Variants in XKR6 observed in about 807,000 individuals in gnomAD.
The protein encoded by XKR6 is XK-related protein 6.
A neutral mutation model predicts 56.7 loss-of-function variants in XKR6; 22 were observed. The observed-to-expected ratio is 0.39, with a 90% confidence interval of 0.28 to 0.55. XKR6 has a LOEUF of 0.55. Ranked by LOEUF, XKR6 falls within the 20% of genes least tolerant of loss-of-function variation. The pLI, the probability that XKR6 is intolerant of heterozygous loss-of-function variation, is 0.66. For synonymous variants in XKR6, 524 were observed against 387.8 expected, an observed-to-expected ratio of 1.35 and a Z score of -4.13; for missense variants, 852 against 889.0, an observed-to-expected ratio of 0.96 and a Z score of 0.53.
At chr8:11,119,517 G>T (rs1307795970) in intron 1 of XKR6, among the ~76,000 whole-genome samples, 3 of 152,116 alleles carry the variant, frequency 2.0e-5, no homozygotes, top group African/African-American at 7.2e-5. Flanking sequence ...CATATATTTA[G>T]GACAGTTAGC....
At chr8:11,137,323 A>G in intron 1 of XKR6, 2 of 320,770 alleles carry the variant, frequency 6.2e-6, no homozygotes, top group South Asian at 5.2e-5. Context: ...ATATCAGAGC[A>G]TAAGTGAGAA....
At chr8:10,993,387 G>A (rs538276667) in intron 1 of XKR6, among the ~76,000 whole-genome samples, 18 of 152,372 alleles carry the variant, frequency 1.2e-4, no homozygotes, top group South Asian at 2.1e-4. Flanking sequence ...GAAAGAAAGC[G>A]GGTGGGAAGA....
At chr8:11,153,920 G>C (rs1332517343) in intron 1 of XKR6, among the ~76,000 whole-genome samples, 1 of 152,074 alleles carries the variant, frequency 6.6e-6, no homozygotes, top group Non-Finnish European at 1.5e-5. Context: ...TATTCCCTCT[G>C]GACTACTGCA....
chr8:10,973,766 G>A (rs1049256440), intron 1 of XKR6, among the ~76,000 whole-genome samples: 1 of 151,928 alleles, frequency 6.6e-6, no homozygotes, highest in African/African-American at 2.4e-5. Flanking sequence ...GTTTTTTGTT[G>A]TAGAAACGGG....
intron 1 of XKR6, among the ~76,000 whole-genome samples, chr8:10,956,907 A>G (rs181098574): frequency 2.6e-5 from 4 of 152,234 alleles, no homozygotes; most frequent in Admixed American, 2.6e-4. Context: ...GTACCCTGGC[A>G]CCTTGCTTTT....
intron 1 of XKR6, among the ~76,000 whole-genome samples, chr8:10,960,302 G>C (rs1356236857): frequency 6.6e-6 from 1 of 152,090 alleles, no homozygotes; most frequent in African/African-American, 2.4e-5. Flanking sequence ...GAACAGCAGA[G>C]GTACAGTCTA....
chr8:11,014,135 C>T (rs1798560438), intron 1 of XKR6, among the ~76,000 whole-genome samples: 1 of 152,208 alleles, frequency 6.6e-6, no homozygotes, highest in Admixed American at 6.5e-5. Context: ...AGTAAATACT[C>T]TGGTACCGGG....
intron 1 of XKR6, chr8:11,105,377 A>C (rs145954261): frequency 2.0e-5 from 3 of 152,126 alleles, no homozygotes; most frequent in Admixed American, 1.3e-4. Flanking sequence ...TTTCTTTCCT[A>C]TTTTGCCACA....
Position 11,028,208 on chromosome 8 carries a change from A to G in XKR6, c.765-103378T>C, listed in dbSNP as rs539874182. 2.6e-5 allele frequency among the ~76,000 whole-genome samples: 4 copies of G among 152,196 alleles called. No individual in the cohort carries two copies. The East Asian group carries it at 7.7e-4, about 29-fold the overall frequency. ...TCCAGAATGTCATCTAGTTGGAATC[A>G]TACACCAAGTAGCCTTTTCAGGGTG... On this transcript the variant is annotated intron_variant, in intron 1 of 2. Coordinates refer to ENST00000416569, the MANE Select transcript of XKR6 (RefSeq NM_173683.4).
chr8:11,157,607 C>G (rs1285611462), intron 1 of XKR6, among the ~76,000 whole-genome samples: 3 of 152,114 alleles, frequency 2.0e-5, no homozygotes, highest in Non-Finnish European at 4.4e-5. Flanking sequence ...CCTCGAATTC[C>G]TGGACCCAAG....
Position 11,113,314 on chromosome 8 carries a change from C to T in XKR6, c.764+87262G>A, listed in dbSNP as rs28607910. Among the ~76,000 whole-genome samples, 1,185 of 152,252 alleles carry T rather than the reference C, an allele frequency of 7.8e-3. 19 individuals are homozygous for T. The highest frequency in any genetic ancestry group is 0.027 in the African/African-American group (1,126 of 41,522). On this transcript the variant is annotated intron_variant, in intron 1 of 2. Transcript: ENST00000416569. ...AAACATAGTAACTGCCTTATAAGCT[C>T]CACTACCTCAACATATTTAAAAGGA...
chr8:11,131,931 A>G (rs569426734), intron 1 of XKR6, among the ~76,000 whole-genome samples: 16 of 152,288 alleles, frequency 1.1e-4, no homozygotes, highest in African/African-American at 3.9e-4. Flanking sequence ...TGTTGGCACA[A>G]GACTGCCTAT....
rs117257293 is a variant in XKR6 at position 10,968,173 on chromosome 8, G to A, written c.765-43343C>T. 5.5e-4 allele frequency among the ~76,000 whole-genome samples: 84 copies of A among 152,244 alleles called. No homozygotes were observed. In the East Asian group the frequency reaches 0.013, roughly 24 times the overall value. ...CCTCTCCATTCCTGGCCTTGCATCC[G>A]GTCTGTGCTGGTGTTTGAACCGGAT... On this transcript the variant is annotated intron_variant, in intron 1 of 2. Transcript: ENST00000416569.
chr8:11,154,218 C>T lies in XKR6; in HGVS notation c.764+46358G>A, dbSNP rs139012071. 2.0e-3 allele frequency among the ~76,000 whole-genome samples: 298 copies of T among 152,278 alleles called. 5 individuals are homozygous for T. The highest frequency in any genetic ancestry group is 2.9e-4 in the African/African-American group (12 of 41,554). On this transcript the variant is annotated intron_variant, in intron 1 of 2. Coordinates refer to ENST00000416569, the MANE Select transcript of XKR6 (RefSeq NM_173683.4). ...TTTAGGGTGGGAGCTCTGGCTCACA[C>T]GATACCAGTAGACATGGTGACGGAG...
At chr8:10,989,649 G>C (rs967109789) in intron 1 of XKR6, among the ~76,000 whole-genome samples, 2 of 152,130 alleles carry the variant, frequency 1.3e-5, no homozygotes, top group African/African-American at 4.8e-5. Flanking sequence ...AATAACACTG[G>C]ACCAATATCA....
chr8:11,043,285 G>T (rs1004882265), intron 1 of XKR6, among the ~76,000 whole-genome samples: 2 of 152,172 alleles, frequency 1.3e-5, no homozygotes, highest in Admixed American at 6.5e-5. Context: ...GCGAGGTGGG[G>T]TGTTGGGAGT....
chr8:11,086,030 G>C (rs1198138565), intron 1 of XKR6, among the ~76,000 whole-genome samples: 3 of 151,750 alleles, frequency 2.0e-5, no homozygotes, highest in Non-Finnish European at 4.4e-5. Context: ...TCCTTGGCAG[G>C]GGGCCCGAGT....
chr8:10,913,595 A>G (rs1179448002), intron 2 of XKR6, among the ~76,000 whole-genome samples: 1 of 152,222 alleles, frequency 6.6e-6, no homozygotes, highest in Non-Finnish European at 1.5e-5. Context: ...CTGCGATAGA[A>G]GAGATCACCA....
intron 1 of XKR6, among the ~76,000 whole-genome samples, chr8:10,937,397 A>C (rs1801237090): frequency 6.6e-6 from 1 of 151,436 alleles, no homozygotes; most frequent in Admixed American, 6.6e-5. Flanking sequence ...TTCTTCTCTC[A>C]GCTTGTCAAA....
Sources: allele counts gnomAD v4.1 joint callset (sites outside exome capture counted in the v4.1 genomes callset), GRCh38; gene constraint gnomAD v4.1.1; transcripts MANE v1.5; gene names NCBI Gene and HGNC (gene_info 2026-07-23, HGNC 2026-07-21).